The following SPIRE2 variants were observed in gnomAD, a reference collection of about 807,000 sequenced individuals.
SPIRE2 encodes the protein protein spire homolog 2.
SPIRE2 carries 76 observed loss-of-function variants against 80.7 expected under a neutral mutation model. The ratio of observed to expected loss-of-function variants is 0.94; its 90% CI spans 0.78 to 1.14. The LOEUF (loss-of-function observed/expected upper bound fraction) is 1.14, where lower values mean the gene tolerates loss of function less well. SPIRE2 is among the 50% of genes most tolerant of loss of function. The pLI, the probability that SPIRE2 is intolerant of heterozygous loss-of-function variation, is 0.00. For missense variants in SPIRE2, 1,196 were observed against 1,015.3 expected (o/e 1.18, Z -2.42); for synonymous variants, 535 against 432.6 (o/e 1.24, Z -2.94).
In SPIRE2 at chr16:89,856,142, A is replaced by G; in HGVS notation, c.1008A>G (p.Pro336=). ...QVSERRLRPL[P]PKQRSLHEKI... ...CTGAGAGGCGGCTGCGCCCGTTGCCACCAAAGCAAAGGTCCCTGCATGAGA... is the reference window on the plus strand; with the variant it reads ...CTGAGAGGCGGCTGCGCCCGTTGCCGCCAAAGCAAAGGTCCCTGCATGAGA... Residue 336 remains proline, a synonymous_variant, in exon 7 of 15, where the codon CCA becomes CCG. Coordinates refer to ENST00000378247, the MANE Select transcript of SPIRE2 (RefSeq NM_032451.2). The G allele has an allele frequency of 6.2e-7, 1 of 1,611,536 alleles. No homozygotes were observed. Among genetic ancestry groups the G allele is most frequent in the South Asian group, 1.1e-5 (1 of 90,910 alleles).
At chr16:89,851,249 G>T (rs2041624827) in intron 3 of SPIRE2, among the ~76,000 whole-genome samples, 1 of 152,154 alleles carries the variant, frequency 6.6e-6, no homozygotes, top group Admixed American at 6.6e-5. Context: ...TTTTACATCT[G>T]CAAGAGAGCG....
Position 89,865,357 on chromosome 16 carries a change from G to C in SPIRE2, c.1778+1496G>C, listed in dbSNP as rs76603333. ...ATGGTAAGGTGAATCACTATGATAA[G>C]GTATAGTAAGGTATTATACACGCTA... On this transcript the variant is annotated intron_variant, in intron 12 of 14. Transcript: ENST00000378247. 4.3e-3 allele frequency among the ~76,000 whole-genome samples: 656 copies of C among 152,120 alleles called. 3 individuals are homozygous for C. The highest frequency in any genetic ancestry group is 0.015 in the African/African-American group (638 of 41,474).
rs144349271 is a variant in SPIRE2 at position 89,870,213 on chromosome 16, C to T, written c.2086C>T (p.Arg696Cys). 2.3e-4 allele frequency: 364 copies of T among 1,607,838 alleles called. No individual in the cohort carries two copies. Among genetic ancestry groups the T allele is most frequent in the Non-Finnish European group, 1.6e-4 (185 of 1,177,424 alleles). Reference sequence around the variant, plus strand: ...GGACGTCCTCAACACTACGCCACGACGCAGTCGCCAGACCCAATCCCTCTA... The same window carrying T: ...GGACGTCCTCAACACTACGCCACGATGCAGTCGCCAGACCCAATCCCTCTA... ...SVDVLNTTPRRSRQTQSLYIP... is the reference protein window; with the variant it reads ...SVDVLNTTPRCSRQTQSLYIP... The change falls in exon 15 of 15, where the codon CGC becomes TGC. Residue 696 changes from arginine (R) to cysteine (C), a missense_variant. Coordinates refer to ENST00000378247, the MANE Select transcript of SPIRE2 (RefSeq NM_032451.2).
At chr16:89,851,751 T>C (rs1236782534) in intron 3 of SPIRE2, among the ~76,000 whole-genome samples, 1 of 152,082 alleles carries the variant, frequency 6.6e-6, no homozygotes, top group Non-Finnish European at 1.5e-5. Flanking sequence ...CAGCATCTCA[T>C]GGAGGAGAAC....
chr16:89,867,118 T>C (rs1330192260), intron 12 of SPIRE2, among the ~76,000 whole-genome samples: 1 of 151,822 alleles, frequency 6.6e-6, no homozygotes, highest in Non-Finnish European at 1.5e-5. Flanking sequence ...TGCAAGTTTT[T>C]TTTTTGTTTT....
intron 1 of SPIRE2, among the ~76,000 whole-genome samples, chr16:89,839,889 G>GC (rs1434340593): frequency 6.6e-6 from 1 of 152,188 alleles, no homozygotes; most frequent in African/African-American, 2.4e-5. Flanking sequence ...TGGCCTCACT[G>GC]CCATTGTCAC....
intron 1 of SPIRE2, among the ~76,000 whole-genome samples, chr16:89,830,692 G>A (rs867632229): frequency 6.6e-6 from 1 of 150,998 alleles, no homozygotes; most frequent in East Asian, 1.9e-4. Flanking sequence ...TGGGTCTTCA[G>A]TACCCACCCT....
In SPIRE2 at chr16:89,858,610, T is replaced by C. The variant is rs1054808789; in HGVS notation, c.1272+103T>C. 6 of 1,161,406 alleles carry C rather than the reference T, an allele frequency of 5.2e-6. No homozygotes were observed. The African/African-American group carries it at 9.4e-5, about 18-fold the overall frequency. The allele number at this position is 1,161,406 out of a possible 1,614,324, so 71.9% of individuals were successfully genotyped here. On this transcript the variant is annotated intron_variant, in intron 8 of 14. Transcript: ENST00000378247. ...AAGCCGGGGGCAGCAGCAATTGCGG[T>C]GTCTCCTGTCCAGGAGCCCTCCCTT... is the stretch of plus-strand genomic sequence containing the variant.
intron 1 of SPIRE2, among the ~76,000 whole-genome samples, chr16:89,830,628 T>C (rs891738094): frequency 1.3e-5 from 2 of 151,068 alleles, no homozygotes; most frequent in African/African-American, 4.8e-5. Context: ...ATCTCACTTG[T>C]TGGCATTGTA....
intron 1 of SPIRE2, among the ~76,000 whole-genome samples, chr16:89,843,674 T>G (rs1199465413): frequency 8.9e-5 from 5 of 56,158 alleles, no homozygotes; most frequent in Non-Finnish European, 1.2e-4. Context: ...CACGTTTTTT[T>G]TTTTTTGTTT....
intron 1 of SPIRE2, among the ~76,000 whole-genome samples, chr16:89,831,871 G>C (rs752277359): frequency 1.3e-5 from 2 of 151,322 alleles, no homozygotes; most frequent in African/African-American, 4.8e-5. Flanking sequence ...CTGCTGTTTC[G>C]CAGCCCCGCG....
chr16:89,832,177 G>A (rs1248147898), intron 1 of SPIRE2, among the ~76,000 whole-genome samples: 2 of 152,232 alleles, frequency 1.3e-5, no homozygotes, highest in Admixed American at 6.5e-5. Flanking sequence ...ATGTGAAGGG[G>A]CATCCTTTTC....
chr16:89,867,832 G>A (rs151067201), intron 12 of SPIRE2, among the ~76,000 whole-genome samples: 1 of 152,170 alleles, frequency 6.6e-6, no homozygotes, highest in Non-Finnish European at 1.5e-5. Context: ...TGATCCACTT[G>A]CCTTGGCCTC....
chr16:89,840,319 G>A lies in SPIRE2; in HGVS notation c.245-5003G>A, dbSNP rs371160462. 5.5e-3 allele frequency among the ~76,000 whole-genome samples: 803 copies of A among 146,874 alleles called. 11 individuals carry two copies. In the South Asian group the frequency reaches 0.062, roughly 11 times the overall value. On this transcript the variant is annotated intron_variant, in intron 1 of 14. Coordinates refer to ENST00000378247, the MANE Select transcript of SPIRE2 (RefSeq NM_032451.2). ...GGCTGGAGTGCAGTGGCGCGATCTC[G>A]GCTCACTGCAAGCTCCACCTCCCGG...
At chr16:89,848,359 G>C (rs2041584271) in intron 2 of SPIRE2, among the ~76,000 whole-genome samples, 1 of 152,248 alleles carries the variant, frequency 6.6e-6, no homozygotes, top group Non-Finnish European at 1.5e-5. Context: ...AGATAACAGT[G>C]AGCCCCCAAG....
At chr16:89,862,916 A>T (rs1373634677) in intron 10 of SPIRE2, 1 of 154,568 alleles carries the variant, frequency 6.5e-6, no homozygotes, top group Admixed American at 6.3e-5. Context: ...CATTTTACAG[A>T]AGAGAAAACT....
chr16:89,863,413 G>T lies in SPIRE2; in HGVS notation c.1576-63G>T. 1.3e-6 allele frequency: 2 copies of T among 1,598,768 alleles called. No individual in the cohort carries two copies. Among genetic ancestry groups the T allele is most frequent in the South Asian group, 1.1e-5 (1 of 90,344 alleles). On this transcript the variant is annotated intron_variant, in intron 10 of 14. Coordinates refer to ENST00000378247, the MANE Select transcript of SPIRE2 (RefSeq NM_032451.2). The surrounding 1 kb of genome is among the most constrained non-coding windows in gnomAD (Gnocchi z 4.3). ...GCCAGGGAGGGTTAGGGTCCTCAGGGAAGGAGAGTAAGCTAGGGGAGCCTC... is the reference window on the plus strand; with the variant it reads ...GCCAGGGAGGGTTAGGGTCCTCAGGTAAGGAGAGTAAGCTAGGGGAGCCTC...
At chr16:89,834,632 T>C (rs373950645) in intron 1 of SPIRE2, among the ~76,000 whole-genome samples, 1,244 of 16,736 alleles carry the variant, frequency 0.074, 1 homozygote, top group Admixed American at 0.099. Flanking sequence ...GGTTGGCCGT[T>C]GTAGAAGCCT....
At chr16:89,859,950 G>C (rs1198046152) in intron 9 of SPIRE2, among the ~76,000 whole-genome samples, 1 of 152,204 alleles carries the variant, frequency 6.6e-6, no homozygotes, top group East Asian at 1.9e-4. Flanking sequence ...ATCGTGTTTG[G>C]TGCTTACAGC....
Sources: gnomAD v4.1 joint callset for allele counts (sites outside exome capture counted in the v4.1 genomes callset) on GRCh38, gnomAD v4.1.1 for gene constraint, Gnocchi (gnomAD v3.1) non-coding constraint, MANE v1.5 for transcripts, NCBI Gene and HGNC (gene_info 2026-07-23, HGNC 2026-07-21) for gene names.